The following SBNO1 variants were observed in gnomAD, a reference collection of about 807,000 sequenced individuals.
SBNO1 encodes the protein protein strawberry notch homolog 1.
In SBNO1, 23 loss-of-function variants were observed where a neutral mutation model predicts 173.6. The observed-to-expected ratio is 0.13, with a 90% confidence interval of 0.10 to 0.19. The LOEUF is 0.19. SBNO1 is among the 10% of genes least tolerant of loss of function. The pLI is 1.00. For synonymous variants in SBNO1, 632 were observed against 571.5 expected (o/e 1.11, Z -1.51); for missense variants, 1,238 against 1,671.2 (o/e 0.74, Z 4.52).
intron 1 of SBNO1, among the ~76,000 whole-genome samples, chr12:123,352,086 T>G (rs953299889): frequency 3.4e-5 from 5 of 148,784 alleles, no homozygotes; most frequent in African/African-American, 1.2e-4. Context: ...TTTACCCATT[T>G]TATAGGGGGG....
At position 123,350,311 on chromosome 12, in the gene SBNO1, T is replaced by C; in HGVS notation, c.131A>G (p.Gln44Arg). 1 of 1,614,068 alleles carries C rather than the reference T, an allele frequency of 6.2e-7. No individual in the cohort carries two copies. Residue 44 changes from glutamine (Q) to arginine (R), a missense_variant and splice_region_variant, in exon 2 of 32, where the codon CAG (glutamine) becomes CGG (arginine). Around this residue, in one of 14 missense-constraint regions of SBNO1, gnomAD observed 287 missense variants for 274.1 expected, o/e 1.05. Transcript: ENST00000602398. The part of the protein sequence containing the change: ...ATPMPTPSVQ[Q>R]SVPLSALELG... ...AGAGAGGCTTTGGAAAACTCTTACC[T>C]GCTGAACTGACGGGGTAGGCATTGG...
intron 20 of SBNO1, among the ~76,000 whole-genome samples, chr12:123,318,816 C>T (rs925148232): frequency 1.3e-5 from 2 of 151,540 alleles, no homozygotes; most frequent in Non-Finnish European, 2.9e-5. Context: ...ATCTGTAAGC[C>T]ATTTACAGTA....
At position 123,293,265 on chromosome 12, in the gene SBNO1, T is replaced by C. The variant is rs536665467; in HGVS notation, c.*2643A>G. 7 of 152,322 alleles carry C rather than the reference T, an allele frequency of 4.6e-5. No individual in the cohort carries two copies. The highest frequency in any genetic ancestry group is 8.8e-5 in the Non-Finnish European group (6 of 68,042). The allele number at this position is 152,322 out of a possible 1,614,324, so 9.4% of individuals were successfully genotyped here. On this transcript the variant is annotated 3_prime_UTR_variant, in exon 32 of 32. Transcript: ENST00000602398. ...TTTTGGTACAGATGGGGTTTTGCCATGTGGACCAGGCTGGTCTCGAACTCC... is the reference window on the plus strand; with the variant it reads ...TTTTGGTACAGATGGGGTTTTGCCACGTGGACCAGGCTGGTCTCGAACTCC...
chr12:123,329,037 T>A (rs1870889440), intron 9 of SBNO1, 142 bp from the exon 10 acceptor site: 1 of 535,100 alleles, frequency 1.9e-6, no homozygotes, highest in Non-Finnish European at 3.2e-6. Context: ...AGACGCAAAT[T>A]TATTTGTATA....
intron 1 of SBNO1, chr12:123,363,797 GT>G: frequency 1.1e-6 from 1 of 919,042 alleles, no homozygotes; most frequent in Non-Finnish European, 1.3e-6. Flanking sequence ...GATCAAGTTA[GT>G]GGTCCGCAAA....
intron 28 of SBNO1, among the ~76,000 whole-genome samples, chr12:123,308,458 C>G (rs1304348155): frequency 1.3e-5 from 2 of 151,520 alleles, no homozygotes; most frequent in Non-Finnish European, 2.9e-5. Flanking sequence ...ATCACGAGGT[C>G]AGGAGATCGA....
rs970647786 is a variant in SBNO1 at position 123,295,731 on chromosome 12, C to G, written c.*177G>C. ...GGAAAGACATATGTACCACCATCAG[C>G]ACTGCTGATTTTCAGTTTTGCTATC... On this transcript the variant is annotated 3_prime_UTR_variant, in exon 32 of 32. Coordinates refer to ENST00000602398, the MANE Select transcript of SBNO1 (RefSeq NM_001167856.3). 1.3e-5 allele frequency: 9 copies of G among 702,694 alleles called. No homozygotes were observed. Among genetic ancestry groups the G allele is most frequent in the Non-Finnish European group, 2.2e-5 (9 of 410,160 alleles). The allele number at this position is 702,694 out of a possible 1,614,324, so 43.5% of individuals were successfully genotyped here.
At position 123,345,587 on chromosome 12, in the gene SBNO1, A is replaced by G. The variant is rs1873027287; in HGVS notation, c.238-17T>C. ...AGGCTGCTGCTAGATAGAAAACAAA[A>G]AACACACCACTGAAAAATGCTTCAT... On this transcript the variant is annotated splice_polypyrimidine_tract_variant and intron_variant, in intron 3 of 31. Coordinates refer to ENST00000602398, the MANE Select transcript of SBNO1 (RefSeq NM_001167856.3). The G allele has an allele frequency of 6.2e-7, 1 of 1,601,964 alleles. No homozygotes were observed. The highest frequency in any genetic ancestry group is 1.7e-5 in the Admixed American group (1 of 59,158).
At position 123,290,253 on chromosome 12, in the gene SBNO1, A is replaced by AT. The variant is rs1463663102; in HGVS notation, c.*5654dup. The AT allele has an allele frequency of 6.6e-6, 1 of 152,238 alleles. No individual in the cohort carries two copies. The highest frequency in any genetic ancestry group is 1.5e-5 in the Non-Finnish European group (1 of 68,068). 9.4% of individuals were successfully genotyped at this position (152,238 alleles called of 1,614,324 possible). A position where few individuals can be genotyped will look rare whatever the true frequency, so the allele number is the denominator to read the frequency against. Reference sequence around the variant, plus strand: ...TGGAGGCAATCTGTGACAGGCCCCAATTCACGACAAATTTAGTTCCCAAGA... The same window carrying AT: ...TGGAGGCAATCTGTGACAGGCCCCAATTTCACGACAAATTTAGTTCCCAAGA... On this transcript the variant is annotated 3_prime_UTR_variant, in exon 32 of 32. Transcript: ENST00000602398.
chr12:123,329,308 G>C (rs1357609247), intron 9 of SBNO1, among the ~76,000 whole-genome samples: 3 of 152,014 alleles, frequency 2.0e-5, no homozygotes, highest in Non-Finnish European at 4.4e-5. Flanking sequence ...TTGAGCCTGG[G>C]AGATGGAGGT....
intron 6 of SBNO1, among the ~76,000 whole-genome samples, chr12:123,334,758 G>A (rs1308405066): frequency 7.0e-6 from 1 of 143,492 alleles, no homozygotes; most frequent in Non-Finnish European, 1.5e-5. Context: ...ATAGAGATTT[G>A]CTGATAAAAA....
Position 123,303,844 on chromosome 12 carries a change from A to G in SBNO1, c.3768+738T>C, listed in dbSNP as rs531617352. On this transcript the variant is annotated intron_variant, in intron 29 of 31. Coordinates refer to ENST00000602398, the MANE Select transcript of SBNO1 (RefSeq NM_001167856.3). ...GTGAGACCTCATTTAAAAAAAAAGA[A>G]AGAAAGAAAAAGAAAATATAATTTC... 8.5e-5 allele frequency among the ~76,000 whole-genome samples: 13 copies of G among 152,084 alleles called. No homozygotes were observed. The East Asian group carries it at 2.5e-3, about 29-fold the overall frequency.
In SBNO1 at chr12:123,361,313, C is replaced by T. The variant is rs1476675101; in HGVS notation, c.-1+3388G>A. Among the ~76,000 whole-genome samples the T allele has an allele frequency of 3.9e-5, 6 of 151,938 alleles. No individual in the cohort carries two copies. The South Asian group carries it at 1.0e-3, about 26-fold the overall frequency. ...CCTGTAATCCCAGTACTTTGGGAGG[C>T]GGAGGTGGGTGGATCATCTCAGGTC... On this transcript the variant is annotated intron_variant, in intron 1 of 31. Coordinates refer to ENST00000602398, the MANE Select transcript of SBNO1 (RefSeq NM_001167856.3).
chr12:123,347,094 A>T (rs190168686), intron 3 of SBNO1, among the ~76,000 whole-genome samples: 1 of 147,582 alleles, frequency 6.8e-6, no homozygotes, highest in Non-Finnish European at 1.5e-5. Flanking sequence ...AAAAAAAAAG[A>T]AACAAGAATG....
Position 123,364,780 on chromosome 12 carries a change from G to A in SBNO1, c.-80C>T. On this transcript the variant is annotated 5_prime_UTR_variant, in exon 1 of 32. Transcript: ENST00000602398. ...AGGACCAGAGGCGACTGGAGCGGAGGCGGCGGTGGCGGCGGCAGCAGCGGC... is the reference window on the plus strand; with the variant it reads ...AGGACCAGAGGCGACTGGAGCGGAGACGGCGGTGGCGGCGGCAGCAGCGGC... The A allele has an allele frequency of 1.0e-6, 1 of 987,496 alleles. No individual in the cohort carries two copies. The highest frequency in any genetic ancestry group is 1.2e-6 in the Non-Finnish European group (1 of 831,550). The allele number at this position is 987,496 out of a possible 1,614,324, so 61.2% of individuals were successfully genotyped here.
intron 16 of SBNO1, 96 bp downstream of exon 16, chr12:123,323,584 G>A (rs1870260540): frequency 1.3e-6 from 1 of 774,300 alleles, no homozygotes; most frequent in African/African-American, 1.8e-5. Context: ...TCGATCTCCT[G>A]ACCTCGTGAT....
chr12:123,347,257 C>T (rs1223629830), intron 3 of SBNO1, among the ~76,000 whole-genome samples: 1 of 151,876 alleles, frequency 6.6e-6, no homozygotes, highest in East Asian at 1.9e-4. Flanking sequence ...GACAGAGTCT[C>T]GCTCTGTCAC....
intron 4 of SBNO1, among the ~76,000 whole-genome samples, chr12:123,344,313 C>T (rs911404561): frequency 1.3e-5 from 2 of 152,178 alleles, no homozygotes; most frequent in Non-Finnish European, 2.9e-5. Context: ...GATTTCCCAA[C>T]TTGCATCTCA....
chr12:123,337,245 A>G (rs536631021), intron 5 of SBNO1, among the ~76,000 whole-genome samples: 74 of 152,340 alleles, frequency 4.9e-4, no homozygotes, highest in African/African-American at 1.6e-3. Context: ...AATGGTCACC[A>G]CGGTTATGCT....
Sources: gnomAD v4.1 joint callset for allele counts (sites outside exome capture counted in the v4.1 genomes callset) on GRCh38, gnomAD v4.1.1 for gene constraint, gnomAD v4.1.1 regional missense constraint, MANE v1.5 for transcripts, NCBI Gene and HGNC (gene_info 2026-07-23, HGNC 2026-07-21) for gene names.